Variants in PTPRN2 observed in about 807,000 individuals in gnomAD.
The protein encoded by PTPRN2 is protein tyrosine phosphatase receptor type N2.
Under a neutral mutation model 118.8 loss-of-function variants are expected in PTPRN2, and 74 were observed. The observed-to-expected ratio is 0.62, with a 90% confidence interval of 0.52 to 0.76. The LOEUF (loss-of-function observed/expected upper bound fraction) is 0.76, where lower values mean the gene tolerates loss of function less well. PTPRN2 is among the 30% of genes least tolerant of loss of function. The pLI is 0.00. For missense variants in PTPRN2, 1,481 were observed against 1,394.4 expected (o/e 1.06, Z -0.99); for synonymous variants, 641 against 608.0 (o/e 1.05, Z -0.80).
rs1252269281 is a variant in PTPRN2 at position 157,794,939 on chromosome 7, G to C, written c.1788+103734C>G. Reference sequence around the variant, plus strand: ...GGATTTCCATGTGAAAGAGGCCAGAGTGCTTCCCTCACTTAGCGGGGATGC... The same window carrying C: ...GGATTTCCATGTGAAAGAGGCCAGACTGCTTCCCTCACTTAGCGGGGATGC... On this transcript the variant is annotated intron_variant, in intron 12 of 22. Transcript: ENST00000389418. The surrounding 1 kb of genome is among the most constrained non-coding windows in gnomAD (Gnocchi z 5.2). 6.6e-6 allele frequency among the ~76,000 whole-genome samples: 1 copy of C among 152,264 alleles called. No individual in the cohort carries two copies. The highest frequency in any genetic ancestry group is 1.5e-5 in the Non-Finnish European group (1 of 68,050).
intron 2 of PTPRN2, among the ~76,000 whole-genome samples, chr7:158,337,575 G>A (rs1297103071): frequency 2.9e-5 from 4 of 138,974 alleles, no homozygotes; most frequent in East Asian, 4.4e-4. Context: ...CATAATTGGT[G>A]ACACCTGCAG....
intron 9 of PTPRN2, among the ~76,000 whole-genome samples, chr7:158,132,305 G>A (rs1329020221): frequency 1.1e-4 from 15 of 142,094 alleles, no homozygotes; most frequent in Non-Finnish European, 1.7e-4. Context: ...ACATCTACCC[G>A]ACATACACAC....
chr7:158,557,660 TCA>T (rs967021458), intron 1 of PTPRN2, among the ~76,000 whole-genome samples: 2 of 152,262 alleles, frequency 1.3e-5, no homozygotes, highest in African/African-American at 4.8e-5. Context: ...ATTTCTGGGC[TCA>T]CACCTTTAGA....
intron 10 of PTPRN2, among the ~76,000 whole-genome samples, chr7:158,084,898 G>A (rs544794525): frequency 3.2e-5 from 4 of 124,788 alleles, no homozygotes; most frequent in East Asian, 2.5e-4. Context: ...CCACATCCTC[G>A]ATGCCCATCC....
intron 12 of PTPRN2, among the ~76,000 whole-genome samples, chr7:157,851,558 G>A (rs191016020): frequency 1.6e-3 from 243 of 152,252 alleles, no homozygotes; most frequent in Middle Eastern, 3.4e-3. Context: ...ATCCAGTATG[G>A]GAGATGGAGA....
intron 11 of PTPRN2, among the ~76,000 whole-genome samples, chr7:157,943,717 C>T (rs1004259935): frequency 2.6e-5 from 4 of 151,942 alleles, no homozygotes; most frequent in African/African-American, 7.3e-5. Flanking sequence ...CGCTCCCTAC[C>T]CTGACGCCAA....
Position 157,845,347 on chromosome 7 carries a change from C to T in PTPRN2, c.1788+53326G>A, listed in dbSNP as rs189367252. ...CCGCCCTCTTTTCCCTGGTGAATCA[C>T]GCAGCCTAACTCACCATGTTCCCGG... On this transcript the variant is annotated intron_variant, in intron 12 of 22. Transcript: ENST00000389418. This position sits in a 1 kb window ranked among gnomAD's most constrained non-coding sequence, Gnocchi z 4.5. Among the ~76,000 whole-genome samples, 213 of 152,232 alleles carry T rather than the reference C, an allele frequency of 1.4e-3. No individual in the cohort carries two copies. Among genetic ancestry groups the T allele is most frequent in the African/African-American group, 4.9e-3 (205 of 41,516 alleles).
chr7:158,132,091 C>T (rs113896271), intron 9 of PTPRN2, among the ~76,000 whole-genome samples: 2,795 of 151,228 alleles, frequency 0.018, 69 homozygotes, highest in African/African-American at 0.057. Context: ...CACACACACA[C>T]GCACATATGC....
rs1828228680 is a variant in PTPRN2, at chr7:158,574,694, T to A, written c.112+12864A>T. On this transcript the variant is annotated intron_variant, in intron 1 of 22. Transcript: ENST00000389418. This position sits in a 1 kb window ranked among gnomAD's most constrained non-coding sequence, Gnocchi z 4.6. Reference sequence around the variant, plus strand: ...GAAGGGGCCAATACTTCTTTCTTTCTTTTAAAGTTTGTTCTGCCATAATTT... The same window carrying A: ...GAAGGGGCCAATACTTCTTTCTTTCATTTAAAGTTTGTTCTGCCATAATTT... Among the ~76,000 whole-genome samples the A allele has an allele frequency of 2.6e-5, 4 of 152,272 alleles. No homozygotes were observed. The South Asian group carries it at 8.3e-4, about 31-fold the overall frequency.
chr7:158,432,866 G>A (rs1816321127), intron 2 of PTPRN2, among the ~76,000 whole-genome samples: 1 of 152,172 alleles, frequency 6.6e-6, no homozygotes, highest in African/African-American at 2.4e-5. Context: ...AGTGAAAACA[G>A]GAACGAGGAA....
At chr7:157,644,671 TA>T (rs1804919979) in intron 14 of PTPRN2, among the ~76,000 whole-genome samples, 2 of 151,826 alleles carry the variant, frequency 1.3e-5, no homozygotes, top group Non-Finnish European at 2.9e-5. Context: ...GGCTAACGCC[TA>T]TAATTCCAGT....
At chr7:157,776,534 CTCCTT>C in intron 12 of PTPRN2, among the ~76,000 whole-genome samples, 3 of 35,456 alleles carry the variant, frequency 8.5e-5, no homozygotes, top group Non-Finnish European at 1.2e-4. Flanking sequence ...TCTCCTCTCT[CTCCTT>C]CTCCCTCTCC....
At chr7:158,334,988 C>T (rs1805304537) in intron 2 of PTPRN2, among the ~76,000 whole-genome samples, 1 of 11,866 alleles carries the variant, frequency 8.4e-5, no homozygotes, top group African/African-American at 2.0e-4. Flanking sequence ...CACCTGCTGA[C>T]GTCACTCACA....
At position 157,787,215 on chromosome 7, in the gene PTPRN2, G is replaced by A. The variant is rs1319963020; in HGVS notation, c.1789-104278C>T. ...GGACTGGCTCTTCTGGAAGCAATTC[G>A]TGGGAAACCCACTTGGATGCCACTT... On this transcript the variant is annotated intron_variant, in intron 12 of 22. Coordinates refer to ENST00000389418, the MANE Select transcript of PTPRN2 (RefSeq NM_002847.5). This position sits in a 1 kb window ranked among gnomAD's most constrained non-coding sequence, Gnocchi z 5.3. Among the ~76,000 whole-genome samples the A allele has an allele frequency of 2.0e-5, 3 of 151,806 alleles. No homozygotes were observed. The highest frequency in any genetic ancestry group is 4.4e-5 in the Non-Finnish European group (3 of 67,804).
chr7:158,304,606 G>GA (rs1801144910), intron 3 of PTPRN2, among the ~76,000 whole-genome samples: 3 of 152,358 alleles, frequency 2.0e-5, no homozygotes, highest in African/African-American at 7.2e-5. Context: ...CACAGGCTTG[G>GA]TCCAGAAAGA....
rs1403729094 is a variant in PTPRN2, at chr7:158,529,126, A to G, written c.113-39341T>C. 6.6e-6 allele frequency among the ~76,000 whole-genome samples: 1 copy of G among 152,200 alleles called. No individual in the cohort carries two copies. Among genetic ancestry groups the G allele is most frequent in the Non-Finnish European group, 1.5e-5 (1 of 68,036 alleles). The stretch of plus-strand genomic sequence containing the variant: ...CCCCTTCTCAGACAGGCAGACAGAC[A>G]ATAATAACAATGATGCCTGGGACAC... On this transcript the variant is annotated intron_variant, in intron 1 of 22. Transcript: ENST00000389418. This position sits in a 1 kb window ranked among gnomAD's most constrained non-coding sequence, Gnocchi z 4.7.
chr7:158,182,356 C>CT (rs1215848461), intron 5 of PTPRN2, among the ~76,000 whole-genome samples: 31 of 151,954 alleles, frequency 2.0e-4, no homozygotes, highest in African/African-American at 7.0e-4. Context: ...TGTTTCATTA[C>CT]TTTTTCTTCT....
intron 11 of PTPRN2, among the ~76,000 whole-genome samples, chr7:157,951,926 C>T (rs888242210): frequency 6.6e-6 from 1 of 152,170 alleles, no homozygotes; most frequent in Non-Finnish European, 1.5e-5. Flanking sequence ...GGCGCCCACT[C>T]ACTCCTGCTG....
At chr7:158,301,686 T>C (rs1800902651) in intron 3 of PTPRN2, among the ~76,000 whole-genome samples, 1 of 152,202 alleles carries the variant, frequency 6.6e-6, no homozygotes, top group African/African-American at 2.4e-5. Flanking sequence ...TGGTGGCCCA[T>C]TCCTATAATC....
Sources: gnomAD v4.1 joint callset for allele counts (sites outside exome capture counted in the v4.1 genomes callset) on GRCh38, gnomAD v4.1.1 for gene constraint, Gnocchi (gnomAD v3.1) non-coding constraint, MANE v1.5 for transcripts, NCBI Gene and HGNC (gene_info 2026-07-23, HGNC 2026-07-21) for gene names.